Variants in B3GNT2 observed in about 807,000 individuals in gnomAD.
B3GNT2 encodes N-acetyllactosaminide beta-1,3-N-acetylglucosaminyltransferase 2.
A neutral mutation model predicts 27.6 loss-of-function variants in B3GNT2; 12 were observed. The observed-to-expected ratio is 0.44, with a 90% CI of 0.28 to 0.71. The LOEUF (loss-of-function observed/expected upper bound fraction) is 0.71. B3GNT2 is among the 30% of genes least tolerant of loss of function. The pLI is 0.17. For missense variants in B3GNT2, 413 were observed against 488.5 expected (o/e 0.85, Z 1.46); for synonymous variants, 192 against 189.7 (o/e 1.01, Z -0.10).
rs1458945074 is a variant in B3GNT2 at position 62,222,355 on chromosome 2, A to G, written c.135A>G (p.Lys45=). The G allele has an allele frequency of 4.3e-6, 7 of 1,614,178 alleles. No individual in the cohort carries two copies. Among genetic ancestry groups the G allele is most frequent in the Non-Finnish European group, 5.9e-6 (7 of 1,180,030 alleles). The change falls in exon 2 of 2, where the codon AAA becomes AAG. Residue 45 remains lysine (K), a synonymous_variant. Transcript: ENST00000301998. The surrounding 1 kb of genome is among the most constrained non-coding windows in gnomAD (Gnocchi z 4.2). The part of the protein sequence containing the change: ...KNGKGEVIIP[K]EKFWKISTPP... ...GAAAAGGGGAAGTAATAATACCCAA[A>G]GAGAAGTTCTGGAAGATATCTACCC...
chr2:62,215,644 A>C (rs1162341444), intron 1 of B3GNT2: 1 of 152,330 alleles, frequency 6.6e-6, no homozygotes, highest in African/African-American at 2.4e-5. Flanking sequence ...CACTCTTGCC[A>C]GACTCCCGGA....
At chr2:62,213,778 T>C (rs1260507668) in intron 1 of B3GNT2, among the ~76,000 whole-genome samples, 1 of 152,208 alleles carries the variant, frequency 6.6e-6, no homozygotes, top group Non-Finnish European at 1.5e-5. Context: ...TATAAACATG[T>C]CTGTAATTCA....
intron 1 of B3GNT2, among the ~76,000 whole-genome samples, chr2:62,209,660 G>C (rs1177668525): frequency 6.6e-6 from 1 of 152,136 alleles, no homozygotes; most frequent in African/African-American, 2.4e-5. Flanking sequence ...CCAAGAGTGA[G>C]ATGGTACAGT....
At chr2:62,204,787 A>C (rs956501828) in intron 1 of B3GNT2, among the ~76,000 whole-genome samples, 7 of 152,150 alleles carry the variant, frequency 4.6e-5, no homozygotes, top group African/African-American at 1.7e-4. Context: ...TATTCTTCAA[A>C]GTTCTGATGG....
intron 1 of B3GNT2, among the ~76,000 whole-genome samples, chr2:62,221,442 A>G (rs1299168526): frequency 6.6e-6 from 1 of 152,098 alleles, no homozygotes; most frequent in Non-Finnish European, 1.5e-5. Flanking sequence ...CAAGTGTCTT[A>G]ATCTCTCTGC....
rs981866741 is a variant in B3GNT2, at chr2:62,217,700, C to T, written c.-9-4512C>T. ...CCCCAGCGTGCGGCGGAAGAGGCTG[C>T]TTACAGGGCAGACCTTTGGGCAGCG... On this transcript the variant is annotated intron_variant, in intron 1 of 1. Transcript: ENST00000301998. Among the ~76,000 whole-genome samples the T allele has an allele frequency of 3.9e-5, 6 of 152,346 alleles. No homozygotes were observed. The South Asian group carries it at 1.2e-3, about 32-fold the overall frequency.
chr2:62,219,218 A>G (rs1372776213), intron 1 of B3GNT2, among the ~76,000 whole-genome samples: 1 of 152,136 alleles, frequency 6.6e-6, no homozygotes. Context: ...TTCTTCCCTA[A>G]GCTGTCCTCT....
intron 1 of B3GNT2, among the ~76,000 whole-genome samples, chr2:62,203,955 T>C (rs996336566): frequency 6.6e-6 from 1 of 152,208 alleles, no homozygotes; most frequent in Non-Finnish European, 1.5e-5. Context: ...TCCATTGAAC[T>C]CATGAATATG....
At position 62,222,585 on chromosome 2, in the gene B3GNT2, A is replaced by G; in HGVS notation, c.365A>G (p.Tyr122Cys). The G allele has an allele frequency of 6.2e-7, 1 of 1,614,200 alleles. No homozygotes were observed. The highest frequency in any genetic ancestry group is 8.5e-7 in the Non-Finnish European group (1 of 1,180,038). Residue 122 changes from tyrosine (Y) to cysteine (C), a missense_variant, in exon 2 of 2, where the codon TAT becomes TGT. Physicochemically the swap from Tyr to Cys is radical, Grantham distance 194. Coordinates refer to ENST00000301998, the MANE Select transcript of B3GNT2 (RefSeq NM_006577.6). This position sits in a 1 kb window ranked among gnomAD's most constrained non-coding sequence, Gnocchi z 4.2. ...GACAGATTTAAAGACTTTCTGCTGTATTTGAGATGCCGCAATTATTCACTG... is the reference window on the plus strand; with the variant it reads ...GACAGATTTAAAGACTTTCTGCTGTGTTTGAGATGCCGCAATTATTCACTG... ...LPDRFKDFLL[Y>C]LRCRNYSLLI...
chr2:62,208,191 C>A (rs576781686), intron 1 of B3GNT2, among the ~76,000 whole-genome samples: 3 of 152,018 alleles, frequency 2.0e-5, no homozygotes, highest in Non-Finnish European at 4.4e-5. Context: ...ACATAACAGA[C>A]AACAGATTCC....
rs1253040838 is a variant in B3GNT2 at position 62,222,062 on chromosome 2, A to G, written c.-9-150A>G. On this transcript the variant is annotated intron_variant, in intron 1 of 1. Transcript: ENST00000301998. The surrounding 1 kb of genome is among the most constrained non-coding windows in gnomAD (Gnocchi z 4.2). ...CCCACTTGCCCATGATCACAAAGCT[A>G]GAAAGGAAGGGCCAAGATTTGAACC... 1 of 710,250 alleles carries G rather than the reference A, an allele frequency of 1.4e-6. No individual in the cohort carries two copies. The highest frequency in any genetic ancestry group is 3.0e-5 in the Admixed American group (1 of 33,014). 44.0% of individuals were successfully genotyped at this position (710,250 alleles called of 1,614,324 possible). A position where few individuals can be genotyped will look rare whatever the true frequency, so the allele number is the denominator to read the frequency against.
At chr2:62,197,832 C>T (rs112572541) in intron 1 of B3GNT2, among the ~76,000 whole-genome samples, 8 of 152,284 alleles carry the variant, frequency 5.3e-5, no homozygotes, top group African/African-American at 1.9e-4. Context: ...GAGGGAGGAC[C>T]GGCAGGGCAG....
At chr2:62,205,684 G>C (rs199712454) in intron 1 of B3GNT2, 3 of 152,280 alleles carry the variant, frequency 2.0e-5, no homozygotes, top group Non-Finnish European at 4.4e-5. Flanking sequence ...TCTGACTGTG[G>C]AGAAGAGGCA....
At chr2:62,197,666 T>A (rs1674179807) in intron 1 of B3GNT2, among the ~76,000 whole-genome samples, 1 of 152,246 alleles carries the variant, frequency 6.6e-6, no homozygotes, top group Non-Finnish European at 1.5e-5. Context: ...TAAAACAAAT[T>A]CTTCCGGTAT....
At chr2:62,200,447 T>C (rs1038862466) in intron 1 of B3GNT2, among the ~76,000 whole-genome samples, 4 of 152,168 alleles carry the variant, frequency 2.6e-5, no homozygotes, top group Admixed American at 2.0e-4. Context: ...ACCAGAATGT[T>C]TGAAAAAAAT....
At position 62,196,132 on chromosome 2, in the gene B3GNT2, A is replaced by C. The variant is rs1417768330; in HGVS notation, c.-233A>C. 5 of 151,498 alleles carry C rather than the reference A, an allele frequency of 3.3e-5. No individual in the cohort carries two copies. The highest frequency in any genetic ancestry group is 7.4e-5 in the Non-Finnish European group (5 of 67,776). The allele number at this position is 151,498 out of a possible 1,614,324, so 9.4% of individuals were successfully genotyped here. ...GGAACCGGAGCCTGGAGTGAGGCGC[A>C]GCGGCAGCGGCAGCAGCGGCAACAA... On this transcript the variant is annotated 5_prime_UTR_variant, in exon 1 of 2. Coordinates refer to ENST00000301998, the MANE Select transcript of B3GNT2 (RefSeq NM_006577.6).
chr2:62,201,305 T>C (rs1371458916), intron 1 of B3GNT2, among the ~76,000 whole-genome samples: 3 of 152,218 alleles, frequency 2.0e-5, no homozygotes, highest in African/African-American at 7.2e-5. Flanking sequence ...CCATTCAGAG[T>C]TGTTTGGCCA....
intron 1 of B3GNT2, among the ~76,000 whole-genome samples, chr2:62,205,603 C>T (rs754842485): frequency 5.3e-5 from 8 of 152,172 alleles, no homozygotes; most frequent in Non-Finnish European, 8.8e-5. Context: ...GCTTCTTTGC[C>T]GCCTTGCTCT....
rs117164111 is a variant in B3GNT2, at chr2:62,211,267, C to T, written c.-9-10945C>T. Among the ~76,000 whole-genome samples the T allele has an allele frequency of 3.5e-3, 531 of 152,172 alleles. 26 individuals carry two copies. The East Asian group carries it at 0.093, about 27-fold the overall frequency. On this transcript the variant is annotated intron_variant, in intron 1 of 1. Coordinates refer to ENST00000301998, the MANE Select transcript of B3GNT2 (RefSeq NM_006577.6). ...TACTCAGGATGCTGAAGTGTGGGGG[C>T]ATCGATTGAACCCAGGAGGTTGAGG...
Sources: gnomAD v4.1 joint callset for allele counts (sites outside exome capture counted in the v4.1 genomes callset) on GRCh38, gnomAD v4.1.1 for gene constraint, Gnocchi (gnomAD v3.1) non-coding constraint, MANE v1.5 for transcripts, NCBI Gene and HGNC (gene_info 2026-07-23, HGNC 2026-07-21) for gene names.